KDM4C: variants seen among roughly 807,000 people sequenced by gnomAD.
The protein encoded by KDM4C is lysine demethylase 4C.
A neutral mutation model predicts 129.3 loss-of-function variants in KDM4C; 81 were observed. The observed-to-expected ratio is 0.63, with a 90% CI of 0.52 to 0.75. The LOEUF (loss-of-function observed/expected upper bound fraction) is 0.75, where lower values mean the gene tolerates loss of function less well. KDM4C is among the 30% of genes least tolerant of loss of function. The pLI is 0.00. For synonymous variants in KDM4C, 573 were observed against 456.1 expected (o/e 1.26, Z -3.26); for missense variants, 1,457 against 1,304.0 (o/e 1.12, Z -1.81).
intron 19 of KDM4C, among the ~76,000 whole-genome samples, chr9:7,143,699 T>G (rs548980683): frequency 6.6e-6 from 1 of 152,336 alleles, no homozygotes; most frequent in East Asian, 1.9e-4. Flanking sequence ...TTGACAGGTT[T>G]TCAACAACAC....
At position 6,790,401 on chromosome 9, in the gene KDM4C, C is replaced by T. The variant is rs145235920; in HGVS notation, c.-17-2571C>T. Among the ~76,000 whole-genome samples, 19 of 151,322 alleles carry T rather than the reference C, an allele frequency of 1.3e-4. No homozygotes were observed. In the East Asian group the frequency reaches 3.5e-3, roughly 28 times the overall value. On this transcript the variant is annotated intron_variant, in intron 1 of 21. Coordinates refer to ENST00000381309, the MANE Select transcript of KDM4C (RefSeq NM_015061.6). ...CTTGGACTACAGGTGCCTGCCACCA[C>T]ACCTGGCTAATTTTTTTTTTTTTGT... is the stretch of plus-strand genomic sequence containing the variant.
intron 8 of KDM4C, among the ~76,000 whole-genome samples, chr9:6,903,708 A>C (rs1817795694): frequency 6.6e-6 from 1 of 152,218 alleles, no homozygotes; most frequent in Non-Finnish European, 1.5e-5. Flanking sequence ...AAAGCATTGG[A>C]AAGGAAATCA....
At chr9:6,799,378 C>T (rs919852832) in intron 2 of KDM4C, among the ~76,000 whole-genome samples, 1 of 152,234 alleles carries the variant, frequency 6.6e-6, no homozygotes, top group South Asian at 2.1e-4. Flanking sequence ...GCCCGGCCAA[C>T]ACAGCGAAAC....
chr9:6,890,370 G>T (rs537164050), intron 7 of KDM4C, among the ~76,000 whole-genome samples: 5 of 152,266 alleles, frequency 3.3e-5, no homozygotes, highest in Middle Eastern at 6.8e-3. Flanking sequence ...GCATAGTAAC[G>T]TACTCTTCCT....
intron 13 of KDM4C, among the ~76,000 whole-genome samples, chr9:7,012,905 G>C (rs1364577832): frequency 6.6e-6 from 1 of 152,084 alleles, no homozygotes; most frequent in Non-Finnish European, 1.5e-5. Context: ...AAACTGTTCT[G>C]TTCAGACATT....
chr9:6,893,540 A>G (rs1846403937), intron 8 of KDM4C: 2 of 194,280 alleles, frequency 1.0e-5, no homozygotes, highest in Non-Finnish European at 2.1e-5. Flanking sequence ...CAGTGGCATC[A>G]TGTGGCTCCA....
intron 4 of KDM4C, among the ~76,000 whole-genome samples, chr9:6,823,535 A>G (rs1170928022): frequency 6.6e-6 from 1 of 152,080 alleles, no homozygotes; most frequent in Admixed American, 6.6e-5. Context: ...GCTATCTCAC[A>G]CTGTTGTTGG....
intron 8 of KDM4C, among the ~76,000 whole-genome samples, chr9:6,976,530 A>G (rs555385523): frequency 1.3e-5 from 2 of 152,336 alleles, no homozygotes; most frequent in South Asian, 4.1e-4. Flanking sequence ...TTAAAGTTTT[A>G]TACACAGTCC....
chr9:7,051,162 C>G (rs972428608), intron 17 of KDM4C, among the ~76,000 whole-genome samples: 2 of 152,222 alleles, frequency 1.3e-5, no homozygotes, highest in South Asian at 4.1e-4. Context: ...TGGAAAGTTT[C>G]TTAGAATGAT....
chr9:6,937,053 T>TGTACAC (rs1185616195), intron 8 of KDM4C, among the ~76,000 whole-genome samples: 1 of 152,082 alleles, frequency 6.6e-6, no homozygotes, highest in Non-Finnish European at 1.5e-5. Flanking sequence ...TCTTGCCACT[T>TGTACAC]TTATCAGAGA....
chr9:7,111,105 A>G (rs375970263), intron 18 of KDM4C, among the ~76,000 whole-genome samples: 80 of 152,318 alleles, frequency 5.3e-4, no homozygotes, highest in African/African-American at 1.7e-3. Flanking sequence ...TGTGTCAAGC[A>G]AACATTTTTG....
At position 6,758,611 on chromosome 9, in the gene KDM4C, C is replaced by T. The variant is rs1286302852; in HGVS notation, c.-18+408C>T. ...GTGCACCCCTCGGGGCCCTCCCTTC[C>T]CTGGGAGTGTCACGACCCGCGGGGT... On this transcript the variant is annotated intron_variant, in intron 1 of 21. Transcript: ENST00000381309. The surrounding 1 kb of genome is among the most constrained non-coding windows in gnomAD (Gnocchi z 4.6). Among the ~76,000 whole-genome samples the T allele has an allele frequency of 6.6e-6, 1 of 152,216 alleles. No individual in the cohort carries two copies. Among genetic ancestry groups the T allele is most frequent in the African/African-American group, 2.4e-5 (1 of 41,466 alleles).
chr9:6,823,972 T>C (rs1035508795), intron 4 of KDM4C, among the ~76,000 whole-genome samples: 2 of 152,204 alleles, frequency 1.3e-5, no homozygotes, highest in Non-Finnish European at 2.9e-5. Flanking sequence ...GTAATGCCAA[T>C]ACACTTAATG....
intron 17 of KDM4C, among the ~76,000 whole-genome samples, chr9:7,077,846 G>A (rs1257472442): frequency 6.6e-6 from 1 of 152,136 alleles, no homozygotes; most frequent in Non-Finnish European, 1.5e-5. Context: ...TCAAATAATG[G>A]CATGTCTGAG....
At chr9:7,002,763 G>A (rs1444252390) in intron 12 of KDM4C, among the ~76,000 whole-genome samples, 4 of 152,106 alleles carry the variant, frequency 2.6e-5, no homozygotes, top group Non-Finnish European at 4.4e-5. Flanking sequence ...TAAGGCAATC[G>A]AAGCTCATAG....
At chr9:7,143,046 C>G (rs1308182629) in intron 19 of KDM4C, among the ~76,000 whole-genome samples, 1 of 152,182 alleles carries the variant, frequency 6.6e-6, no homozygotes, top group African/African-American at 2.4e-5. Context: ...TCCTTACCTA[C>G]TTGTTTTATC....
chr9:6,806,029 T>G (rs942982075), intron 3 of KDM4C, among the ~76,000 whole-genome samples: 9 of 152,172 alleles, frequency 5.9e-5, no homozygotes, highest in African/African-American at 1.9e-4. Context: ...TTGCCATGAG[T>G]TTTCGTTTCT....
upstream of KDM4C, among the ~76,000 whole-genome samples, chr9:6,757,152 T>G (rs895303537): frequency 4.9e-4 from 74 of 152,130 alleles, no homozygotes; most frequent in African/African-American, 1.6e-3. Flanking sequence ...AAGGCGGAGT[T>G]ACAGAGGAAA....
chr9:6,795,855 A>T (rs546698283), intron 2 of KDM4C, among the ~76,000 whole-genome samples: 1 of 151,746 alleles, frequency 6.6e-6, no homozygotes, highest in Admixed American at 6.6e-5. Context: ...TATTTTTTGT[A>T]GAGCCAAGGT....
Sources: gnomAD v4.1 joint callset for allele counts (sites outside exome capture counted in the v4.1 genomes callset) on GRCh38, gnomAD v4.1.1 for gene constraint, Gnocchi (gnomAD v3.1) non-coding constraint, MANE v1.5 for transcripts, NCBI Gene and HGNC (gene_info 2026-07-23, HGNC 2026-07-21) for gene names.